Variants in PLXDC2 observed in about 807,000 individuals in gnomAD.
PLXDC2 encodes the protein plexin domain-containing protein 2.
PLXDC2 carries 40 observed loss-of-function variants against 68.9 expected under a neutral mutation model. That is an observed-to-expected ratio of 0.58 (90% CI 0.45 to 0.76). PLXDC2 has a LOEUF of 0.76. Ranked by LOEUF, PLXDC2 falls within the 30% of genes least tolerant of loss-of-function variation. The probability of loss-of-function intolerance (pLI) is 0.00; values close to 1 mark genes in which losing one functional copy is unlikely to be tolerated. For synonymous variants in PLXDC2, 243 were observed against 234.2 expected (o/e 1.04, Z -0.34); for missense variants, 644 against 661.9 (o/e 0.97, Z 0.30).
At chr10:20,136,112 T>C (rs975696560) in intron 4 of PLXDC2, among the ~76,000 whole-genome samples, 3 of 152,204 alleles carry the variant, frequency 2.0e-5, no homozygotes, top group African/African-American at 7.2e-5. Context: ...AATTTCTGAA[T>C]GCTTCTATCT....
chr10:20,239,183 G>C (rs773990964), intron 12 of PLXDC2, among the ~76,000 whole-genome samples: 1 of 152,132 alleles, frequency 6.6e-6, no homozygotes, highest in Non-Finnish European at 1.5e-5. Flanking sequence ...AAAGATGCTT[G>C]TTTAGTTTTT....
Position 19,984,058 on chromosome 10 carries a change from G to A in PLXDC2, c.113-17717G>A, listed in dbSNP as rs558372970. Among the ~76,000 whole-genome samples the A allele has an allele frequency of 5.6e-4, 86 of 152,274 alleles. 2 individuals carry two copies. The highest frequency in any genetic ancestry group is 1.9e-3 in the African/African-American group (81 of 41,550). On this transcript the variant is annotated intron_variant, in intron 1 of 13. Transcript: ENST00000377252. ...ATATGATGACATATTCCCATGGGTC[G>A]TCGAAGTGTCAGGCAAGAAAAAGCA...
At chr10:19,844,612 TC>T (rs376465956) in intron 1 of PLXDC2, among the ~76,000 whole-genome samples, 20 of 151,556 alleles carry the variant, frequency 1.3e-4, no homozygotes, top group South Asian at 4.2e-4. Flanking sequence ...TTTTCTTTTT[TC>T]TTTTTGAGGT....
At chr10:20,004,261 T>G (rs1411783960) in intron 2 of PLXDC2, among the ~76,000 whole-genome samples, 1 of 152,188 alleles carries the variant, frequency 6.6e-6, no homozygotes. Flanking sequence ...CATTAGCTAT[T>G]ATGTGGCCAT....
chr10:19,886,581 A>G (rs1321864334), intron 1 of PLXDC2, among the ~76,000 whole-genome samples: 1 of 152,248 alleles, frequency 6.6e-6, no homozygotes, highest in African/African-American at 2.4e-5. Context: ...AACAACCTTC[A>G]TGCTAAAAAC....
At chr10:19,828,500 T>A (rs181354293) in intron 1 of PLXDC2, among the ~76,000 whole-genome samples, 38 of 152,328 alleles carry the variant, frequency 2.5e-4, no homozygotes, top group Middle Eastern at 3.4e-3. Flanking sequence ...GTGATCTGAG[T>A]ATTTTTTAAT....
In PLXDC2 at chr10:19,869,934, T is replaced by C. The variant is rs530280567; in HGVS notation, c.112+52743T>C. Reference sequence around the variant, plus strand: ...AATGGTCATTAAAGCCTTTAATAAGTCATTATGAGCTTATCCTTTGATGTT... The same window carrying C: ...AATGGTCATTAAAGCCTTTAATAAGCCATTATGAGCTTATCCTTTGATGTT... On this transcript the variant is annotated intron_variant, in intron 1 of 13. Coordinates refer to ENST00000377252, the MANE Select transcript of PLXDC2 (RefSeq NM_032812.9). Among the ~76,000 whole-genome samples the C allele has an allele frequency of 1.3e-4, 20 of 152,316 alleles. No individual in the cohort carries two copies. The East Asian group carries it at 2.5e-3, about 19-fold the overall frequency.
chr10:20,230,417 C>G (rs971569508), intron 12 of PLXDC2, among the ~76,000 whole-genome samples: 3 of 152,010 alleles, frequency 2.0e-5, no homozygotes, highest in African/African-American at 7.2e-5. Flanking sequence ...TGCTTGTAAT[C>G]CCAGCAATCT....
intron 1 of PLXDC2, among the ~76,000 whole-genome samples, chr10:19,885,789 A>ATG (rs1837834828): frequency 6.6e-6 from 1 of 152,182 alleles, no homozygotes; most frequent in African/African-American, 2.4e-5. Flanking sequence ...AGGTAGCATG[A>ATG]TGCCTCCAGC....
chr10:20,030,724 G>C (rs144380114), intron 2 of PLXDC2, among the ~76,000 whole-genome samples: 1 of 152,138 alleles, frequency 6.6e-6, no homozygotes, highest in Non-Finnish European at 1.5e-5. Flanking sequence ...CTGGCTGAGA[G>C]AGGTGAGCGC....
intron 13 of PLXDC2, among the ~76,000 whole-genome samples, chr10:20,257,638 T>A (rs1835758520): frequency 6.6e-6 from 1 of 152,150 alleles, no homozygotes; most frequent in African/African-American, 2.4e-5. Context: ...TAGTGGAAAG[T>A]CTGCCTAAAA....
chr10:20,167,546 T>C (rs1349673554), intron 7 of PLXDC2, among the ~76,000 whole-genome samples: 1 of 152,174 alleles, frequency 6.6e-6, no homozygotes, highest in Non-Finnish European at 1.5e-5. Context: ...TTAAATACTT[T>C]GCCTCTGTTA....
intron 1 of PLXDC2, among the ~76,000 whole-genome samples, chr10:19,952,153 G>T (rs1233892625): frequency 2.0e-5 from 3 of 151,726 alleles, no homozygotes; most frequent in African/African-American, 7.3e-5. Flanking sequence ...AATAAAAGTT[G>T]GAATTATTTT....
intron 1 of PLXDC2, among the ~76,000 whole-genome samples, chr10:19,983,897 T>C (rs1259486203): frequency 3.9e-5 from 6 of 152,128 alleles, no homozygotes; most frequent in African/African-American, 1.4e-4. Context: ...TTTCCTAGAT[T>C]TTCCTTAGTA....
intron 9 of PLXDC2, among the ~76,000 whole-genome samples, chr10:20,208,781 T>A (rs1835027670): frequency 6.6e-6 from 1 of 152,088 alleles, no homozygotes; most frequent in South Asian, 2.1e-4. Flanking sequence ...ACTTTTATAT[T>A]TTCCCTAAGT....
At chr10:20,040,371 C>A (rs942807467) in intron 2 of PLXDC2, among the ~76,000 whole-genome samples, 32 of 152,086 alleles carry the variant, frequency 2.1e-4, no homozygotes, top group African/African-American at 7.5e-4. Flanking sequence ...TTGGAGGGCC[C>A]AAAACTCCAC....
At chr10:20,259,007 C>CAAAAAAA (rs59615493) in intron 13 of PLXDC2, among the ~76,000 whole-genome samples, 1 of 102,130 alleles carries the variant, frequency 9.8e-6, no homozygotes, top group African/African-American at 3.5e-5. Context: ...TACTCCGTCT[C>CAAAAAAA]AAAAAAAAAA....
At chr10:20,052,722 C>CAA (rs59776582) in intron 3 of PLXDC2, among the ~76,000 whole-genome samples, 16 of 92,824 alleles carry the variant, frequency 1.7e-4, no homozygotes, top group African/African-American at 4.2e-4. Context: ...ACAAATTATG[C>CAA]AAAAAAAAAA....
chr10:19,889,900 G>A (rs1589521584), intron 1 of PLXDC2, among the ~76,000 whole-genome samples: 1 of 152,152 alleles, frequency 6.6e-6, no homozygotes, highest in African/African-American at 2.4e-5. Flanking sequence ...AAATACTACG[G>A]GGTTGTTGGT....
Sources: gnomAD v4.1 joint callset for allele counts (sites outside exome capture counted in the v4.1 genomes callset) on GRCh38, gnomAD v4.1.1 for gene constraint, MANE v1.5 for transcripts, NCBI Gene and HGNC (gene_info 2026-07-23, HGNC 2026-07-21) for gene names.